The following PCDHA13 variants were observed in gnomAD, a reference collection of about 807,000 sequenced individuals.
PCDHA13 encodes the protein protocadherin alpha-13.
PCDHA13 carries 54 observed loss-of-function variants against 64.8 expected under a neutral mutation model. The observed-to-expected ratio is 0.83, with a 90% CI of 0.67 to 1.04. PCDHA13 has a LOEUF of 1.04. PCDHA13 is among the 50% of genes least tolerant of loss of function. The pLI is 0.00. For missense variants in PCDHA13, 1,248 were observed against 1,254.3 expected, an observed-to-expected ratio of 0.99 and a Z score of 0.08; for synonymous variants, 587 against 564.4, an observed-to-expected ratio of 1.04 and a Z score of -0.57.
chr5:140,985,792 T>G (rs1043772430), intron 3 of PCDHA13, among the ~76,000 whole-genome samples: 1 of 142,326 alleles, frequency 7.0e-6, no homozygotes. Flanking sequence ...CAGGCTGGAG[T>G]GCAGTGGCAC....
chr5:141,000,926 G>T (rs1554257936), intron 3 of PCDHA13, among the ~76,000 whole-genome samples: 1 of 151,956 alleles, frequency 6.6e-6, no homozygotes, highest in Non-Finnish European at 1.5e-5. Flanking sequence ...AAAATCCTGT[G>T]TGATTTAGGA....
chr5:140,882,627 A>G lies in PCDHA13; in HGVS notation c.359A>G (p.Glu120Gly). 1 of 1,614,136 alleles carries G rather than the reference A, an allele frequency of 6.2e-7. No individual in the cohort carries two copies. The highest frequency in any genetic ancestry group is 8.5e-7 in the Non-Finnish European group (1 of 1,180,044). The change falls in exon 1 of 4, where the codon GAG becomes GGG. Residue 120 changes from glutamate to glycine, a missense_variant. Coordinates refer to ENST00000289272, the MANE Select transcript of PCDHA13 (RefSeq NM_018904.3). ...AGGCCTCTGCAGGTTTTCCATGTGG[A>G]GGTGAAGGTGAGGGACATTAACGAC... ...VDRPLQVFHVEVKVRDINDNP... is the reference protein window; with the variant it reads ...VDRPLQVFHVGVKVRDINDNP...
In PCDHA13 at chr5:140,883,888, T is replaced by C. The variant is rs781919107; in HGVS notation, c.1620T>C (p.Ser540=). 7.4e-6 allele frequency: 12 copies of C among 1,612,946 alleles called. No homozygotes were observed. Among genetic ancestry groups the C allele is most frequent in the African/African-American group, 5.4e-5 (4 of 74,752 alleles). Residue 540 remains serine (S), a synonymous_variant, in exon 1 of 4, where the codon TCT becomes TCC. Transcript: ENST00000289272. ...LLQFQVSARD[S]GVPPLGSNVT... Reference sequence around the variant, plus strand: ...AGTTCCAGGTGAGCGCGCGCGACTCTGGCGTGCCGCCTCTGGGCAGCAACG... The same window carrying C: ...AGTTCCAGGTGAGCGCGCGCGACTCCGGCGTGCCGCCTCTGGGCAGCAACG...
intron 1 of PCDHA13, among the ~76,000 whole-genome samples, chr5:140,978,099 C>T (rs547323907): frequency 1.1e-4 from 17 of 152,292 alleles, no homozygotes; most frequent in African/African-American, 3.6e-4. Flanking sequence ...ACATAACTCC[C>T]CCAACAGTCT....
At chr5:140,923,185 A>G (rs536691139) in intron 1 of PCDHA13, among the ~76,000 whole-genome samples, 1 of 152,324 alleles carries the variant, frequency 6.6e-6, no homozygotes, top group East Asian at 1.9e-4. Flanking sequence ...AGATGCATCT[A>G]CTGCAGCAAT....
In PCDHA13 at chr5:140,882,900, T is replaced by C. The variant is rs151159619; in HGVS notation, c.632T>C (p.Leu211Ser). 8.7e-6 allele frequency: 14 copies of C among 1,614,106 alleles called. No individual in the cohort carries two copies. In the African/African-American group the frequency reaches 1.2e-4, roughly 14 times the overall value. The stretch of plus-strand genomic sequence containing the variant: ...GAGGAAATTCAGGAACATAGTTTAT[T>C]ACTGACAGCCAGTGATGGAGGTAAA... ...DREEIQEHSL[L>S]LTASDGGKPE... The change falls in exon 1 of 4, where the codon TTA becomes TCA. Residue 211 changes from leucine (L) to serine (S), a missense_variant. Transcript: ENST00000289272.
In PCDHA13 at chr5:140,923,554, G is replaced by T. The variant is rs117642898; in HGVS notation, c.2394+38892G>T. Among the ~76,000 whole-genome samples the T allele has an allele frequency of 6.2e-4, 95 of 152,226 alleles. No individual in the cohort carries two copies. The East Asian group carries it at 0.017, about 28-fold the overall frequency. On this transcript the variant is annotated intron_variant, in intron 1 of 3. Coordinates refer to ENST00000289272, the MANE Select transcript of PCDHA13 (RefSeq NM_018904.3). ...AAAAAAAGGACAAAATGAAATATCA[G>T]CAATGAAAGGTCCTGCTAAAGAGAA...
At position 140,882,865 on chromosome 5, in the gene PCDHA13, A is replaced by G. The variant is rs1554175879; in HGVS notation, c.597A>G (p.Thr199=). 1 of 1,614,248 alleles carries G rather than the reference A, an allele frequency of 6.2e-7. No homozygotes were observed. Among genetic ancestry groups the G allele is most frequent in the Non-Finnish European group, 8.5e-7 (1 of 1,180,048 alleles). Residue 199 remains threonine, a synonymous_variant, in exon 1 of 4, where the codon ACA becomes ACG. Coordinates refer to ENST00000289272, the MANE Select transcript of PCDHA13 (RefSeq NM_018904.3). ...MSSLSLVLRK[T]LDREEIQEHS... Reference sequence around the variant, plus strand: ...CATTATCACTTGTACTGAGGAAAACACTGGACAGAGAGGAAATTCAGGAAC... The same window carrying G: ...CATTATCACTTGTACTGAGGAAAACGCTGGACAGAGAGGAAATTCAGGAAC...
chr5:140,938,650 A>G (rs184257234), intron 1 of PCDHA13, among the ~76,000 whole-genome samples: 3 of 152,214 alleles, frequency 2.0e-5, no homozygotes, highest in Non-Finnish European at 2.9e-5. Flanking sequence ...ATCCTTCTTT[A>G]TATCATTAGA....
At chr5:140,952,789 A>T (rs564361136) in intron 1 of PCDHA13, among the ~76,000 whole-genome samples, 1 of 152,316 alleles carries the variant, frequency 6.6e-6, no homozygotes, top group South Asian at 2.1e-4. Context: ...AAAGAGGTTT[A>T]ACTGGCTCGC....
rs113142258 is a variant in PCDHA13, at chr5:140,939,756, T to C, written c.2395-39193T>C. 3.3e-3 allele frequency among the ~76,000 whole-genome samples: 504 copies of C among 152,358 alleles called. 2 individuals carry two copies. Among genetic ancestry groups the C allele is most frequent in the African/African-American group, 0.012 (483 of 41,584 alleles). Reference sequence around the variant, plus strand: ...AGCTGTGTATCATTCATTGTCATTATATAGTATTTCAGGGTGTGAATGGTC... The same window carrying C: ...AGCTGTGTATCATTCATTGTCATTACATAGTATTTCAGGGTGTGAATGGTC... On this transcript the variant is annotated intron_variant, in intron 1 of 3. Transcript: ENST00000289272.
At position 140,884,003 on chromosome 5, in the gene PCDHA13, G is replaced by T. The variant is rs781845787; in HGVS notation, c.1735G>T (p.Glu579Ter). ...GAGSAGGTVS[E>*]LMPRSVGAGH... Reference sequence around the variant, plus strand: ...TGGCAGCGCGGGAGGCACAGTGAGCGAGCTGATGCCGCGGTCGGTGGGTGC... The same window carrying T: ...TGGCAGCGCGGGAGGCACAGTGAGCTAGCTGATGCCGCGGTCGGTGGGTGC... The change falls in exon 1 of 4, where the codon GAG becomes TAG. Residue 579 changes from glutamate (E) to a stop codon, truncating the protein, a stop_gained. Transcript: ENST00000289272. LOFTEE classifies it high-confidence loss of function. 2 of 1,612,968 alleles carry T rather than the reference G, an allele frequency of 1.2e-6. No homozygotes were observed. The highest frequency in any genetic ancestry group is 8.5e-7 in the Non-Finnish European group (1 of 1,179,600).
rs782012488 is a variant in PCDHA13 at position 140,882,265 on chromosome 5, T to A, written c.-4T>A. 2 of 1,609,948 alleles carry A rather than the reference T, an allele frequency of 1.2e-6. No homozygotes were observed. The highest frequency in any genetic ancestry group is 2.7e-5 in the African/African-American group (2 of 74,988). Reference sequence around the variant, plus strand: ...AGATAGCTCTGAGGTTTTTGGAGTGTACCATGCTGTCTTCCTGGCAAGGAG... The same window carrying A: ...AGATAGCTCTGAGGTTTTTGGAGTGAACCATGCTGTCTTCCTGGCAAGGAG... On this transcript the variant is annotated 5_prime_UTR_variant, in exon 1 of 4. Coordinates refer to ENST00000289272, the MANE Select transcript of PCDHA13 (RefSeq NM_018904.3).
intron 1 of PCDHA13, among the ~76,000 whole-genome samples, chr5:140,919,973 A>T (rs1554199334): frequency 7.5e-6 from 1 of 133,994 alleles, no homozygotes; most frequent in Non-Finnish European, 1.7e-5. Context: ...TAAATAAGAG[A>T]TAGAAGATGG....
chr5:140,947,038 A>G (rs2094072618), intron 1 of PCDHA13, among the ~76,000 whole-genome samples: 1 of 151,776 alleles, frequency 6.6e-6, no homozygotes, highest in Admixed American at 6.6e-5. Context: ...TATACTAATT[A>G]CCCTGATTTG....
At chr5:140,896,555 T>C (rs2065621728) in intron 1 of PCDHA13, among the ~76,000 whole-genome samples, 1 of 151,910 alleles carries the variant, frequency 6.6e-6, no homozygotes, top group African/African-American at 2.4e-5. Context: ...TTTTGTATTT[T>C]AAGTAGAGAT....
Position 141,011,938 on chromosome 5 carries a change from T to TA in PCDHA13, c.*2008dup, listed in dbSNP as rs1489019865. 2.6e-5 allele frequency: 4 copies of TA among 153,644 alleles called. No individual in the cohort carries two copies. The highest frequency in any genetic ancestry group is 6.5e-5 in the Admixed American group (1 of 15,278). The allele number at this position is 153,644 out of a possible 1,614,324, so 9.5% of individuals were successfully genotyped here. A position where few individuals can be genotyped will look rare whatever the true frequency, so the allele number is the denominator to read the frequency against. ...ATAAAAGAGGTAGGAGTCTGTTATT[T>TA]AAAAAAAGCATTAAATTTAAAAAAA... On this transcript the variant is annotated 3_prime_UTR_variant, in exon 4 of 4. Transcript: ENST00000289272.
chr5:140,933,270 C>T (rs1388946153), intron 1 of PCDHA13, among the ~76,000 whole-genome samples: 1 of 151,842 alleles, frequency 6.6e-6, no homozygotes, highest in African/African-American at 2.4e-5. Context: ...ATTATATATT[C>T]ATTTGGAACT....
rs782133089 is a variant in PCDHA13, at chr5:140,924,894, CAAA to C, written c.2394+40241_2394+40243del. Reference sequence around the variant, plus strand: ...TGGGTGACAGAGCAAGAACCTGTCTCAAAAAAAAAAATAAAATAAAATAAAATA... The same window carrying C: ...TGGGTGACAGAGCAAGAACCTGTCTCAAAAAAAATAAAATAAAATAAAATA... On this transcript the variant is annotated intron_variant, in intron 1 of 3. Transcript: ENST00000289272. Among the ~76,000 whole-genome samples the C allele has an allele frequency of 6.8e-3, 488 of 71,480 alleles. 13 individuals carry two copies. Among genetic ancestry groups the C allele is most frequent in the East Asian group, 0.051 (79 of 1,534 alleles). The allele number at this position is 71,480 out of a possible 152,430, so 46.9% of individuals were successfully genotyped here. A position where few individuals can be genotyped will look rare whatever the true frequency, so the allele number is the denominator to read the frequency against.
Sources: gnomAD v4.1 joint callset for allele counts (sites outside exome capture counted in the v4.1 genomes callset) on GRCh38, gnomAD v4.1.1 for gene constraint, MANE v1.5 for transcripts, NCBI Gene and HGNC (gene_info 2026-07-23, HGNC 2026-07-21) for gene names.